The following SULT2A1 variants were observed in gnomAD, a reference collection of about 807,000 sequenced individuals.
The protein encoded by SULT2A1 is sulfotransferase 2A1.
A neutral mutation model predicts 33.9 loss-of-function variants in SULT2A1; 43 were observed. The observed-to-expected ratio is 1.27, with a 90% CI of 1.00 to 1.64. The LOEUF is 1.64. Ranked by LOEUF, SULT2A1 falls within the 40% of genes most tolerant of loss-of-function variation. The pLI is 0.00. For synonymous variants in SULT2A1, 125 were observed against 113.6 expected (o/e 1.10, Z -0.64); for missense variants, 300 against 335.1 (o/e 0.90, Z 0.82).
In SULT2A1 at chr19:47,870,801, C is replaced by T. The variant is rs1968482182; in HGVS notation, c.*654G>A. The stretch of plus-strand genomic sequence containing the variant: ...TGGGATCCCATGACTCAACTCACTG[C>T]AACCTTTGCATCCCTGGGCTTTGAA... On this transcript the variant is annotated 3_prime_UTR_variant, in exon 6 of 6. Coordinates refer to ENST00000222002, the MANE Select transcript of SULT2A1 (RefSeq NM_003167.4). 6.8e-6 allele frequency: 1 copy of T among 147,556 alleles called. No homozygotes were observed. Among genetic ancestry groups the T allele is most frequent in the Non-Finnish European group, 1.5e-5 (1 of 65,522 alleles). 9.1% of individuals were successfully genotyped at this position (147,556 alleles called of 1,614,324 possible).
intron 5 of SULT2A1, 120 bp from the exon 6 acceptor site, chr19:47,871,687 C>T (rs1180741092): frequency 8.7e-6 from 6 of 686,806 alleles, no homozygotes; most frequent in African/African-American, 1.8e-5. Context: ...CGTGGTGGGC[C>T]TTTATCCTGC....
chr19:47,874,266 C>T (rs1396525918), intron 5 of SULT2A1, among the ~76,000 whole-genome samples: 6 of 151,990 alleles, frequency 3.9e-5, no homozygotes, highest in South Asian at 2.1e-4. Flanking sequence ...ATTGGCCGGG[C>T]GCCGTGGCTC....
At chr19:47,878,437 C>T (rs894694745) in intron 4 of SULT2A1, among the ~76,000 whole-genome samples, 3 of 151,928 alleles carry the variant, frequency 2.0e-5, no homozygotes, top group Admixed American at 6.6e-5. Flanking sequence ...ATTCTCCCAC[C>T]TCGGCCTTCC....
chr19:47,883,054 G>T (rs1968617879), intron 2 of SULT2A1, among the ~76,000 whole-genome samples: 1 of 152,098 alleles, frequency 6.6e-6, no homozygotes, highest in African/African-American at 2.4e-5. Flanking sequence ...CATGGGAGAT[G>T]CATGTGGCTG....
chr19:47,881,324 C>G (rs1272833765), intron 3 of SULT2A1, among the ~76,000 whole-genome samples: 3 of 152,110 alleles, frequency 2.0e-5, no homozygotes, highest in Non-Finnish European at 2.9e-5. Context: ...GTGTGAGCCA[C>G]CATGGCCGGC....
intron 2 of SULT2A1, among the ~76,000 whole-genome samples, chr19:47,883,073 A>G (rs1488285766): frequency 2.0e-5 from 3 of 152,054 alleles, no homozygotes; most frequent in African/African-American, 7.2e-5. Context: ...TGCTGATATC[A>G]ACACATATTT....
intron 5 of SULT2A1, among the ~76,000 whole-genome samples, chr19:47,873,614 CTTTTTTTTTT>C (rs61271763): frequency 3.2e-5 from 2 of 62,060 alleles, no homozygotes; most frequent in African/African-American, 7.8e-5. Flanking sequence ...GGACAGATCT[CTTTTTTTTTT>C]TTTTTTTTTT....
At chr19:47,879,632 A>G (rs1310277047) in intron 3 of SULT2A1, among the ~76,000 whole-genome samples, 2 of 152,040 alleles carry the variant, frequency 1.3e-5, no homozygotes, top group Admixed American at 6.6e-5. Flanking sequence ...CTTTGTAGGG[A>G]CATGGATGAA....
At position 47,871,467 on chromosome 19, in the gene SULT2A1, G is replaced by A; in HGVS notation, c.846C>T (p.Phe282=). 6.2e-7 allele frequency: 1 copy of A among 1,613,516 alleles called. No individual in the cohort carries two copies. The highest frequency in any genetic ancestry group is 8.5e-7 in the Non-Finnish European group (1 of 1,179,520). ...AGTGTTTTGGACGTTATTCCCATGG[G>A]AACAGCTCTCGAGGAAGATCTGCCA... ...EKMADLPREL[F]PWE is the part of the protein sequence containing the mutation. Residue 282 remains phenylalanine, a synonymous_variant, in exon 6 of 6, where the codon TTC becomes TTT. Coordinates refer to ENST00000222002, the MANE Select transcript of SULT2A1 (RefSeq NM_003167.4).
intron 4 of SULT2A1, among the ~76,000 whole-genome samples, chr19:47,876,684 C>T (rs1277783126): frequency 2.0e-5 from 3 of 147,298 alleles, no homozygotes; most frequent in African/African-American, 7.5e-5. Flanking sequence ...GCACGAGAAT[C>T]ACTTGAACCG....
chr19:47,879,212 G>A (rs1026391646), intron 3 of SULT2A1, 82 bp from the exon 4 acceptor site: 9 of 837,898 alleles, frequency 1.1e-5, no homozygotes, highest in Middle Eastern at 2.2e-4. Context: ...TCCCCCCACC[G>A]GCTTGTTAAC....
Position 47,881,933 on chromosome 19 carries a change from C to T in SULT2A1, c.472+151G>A, listed in dbSNP as rs550905592. On this transcript the variant is annotated intron_variant, in intron 3 of 5. Transcript: ENST00000222002. ...GGCCGGCTAGAGTTCTGCTGCTATG[C>T]GGGAGAGTAAGCGAACTTAGCAGGT... is the stretch of plus-strand genomic sequence containing the variant. The T allele has an allele frequency of 3.0e-5, 28 of 923,588 alleles. No individual in the cohort carries two copies. In the East Asian group the frequency reaches 5.0e-4, roughly 16 times the overall value. The allele number at this position is 923,588 out of a possible 1,614,324, so 57.2% of individuals were successfully genotyped here.
chr19:47,883,180 A>G (rs949473627), intron 2 of SULT2A1, among the ~76,000 whole-genome samples: 1 of 152,078 alleles, frequency 6.6e-6, no homozygotes, highest in Non-Finnish European at 1.5e-5. Context: ...TGCTTCCCAT[A>G]GGAACACCTC....
At chr19:47,878,981 A>C in intron 4 of SULT2A1, 55 bp downstream of exon 4, 1 of 1,124,570 alleles carries the variant, frequency 8.9e-7, no homozygotes, top group Non-Finnish European at 1.4e-6. Context: ...GAATTTAAGG[A>C]AAGTAAGGAT....
At position 47,876,768 on chromosome 19, in the gene SULT2A1, T is replaced by TA. The variant is rs34642376; in HGVS notation, c.568-1935dup. On this transcript the variant is annotated intron_variant, in intron 4 of 5. Coordinates refer to ENST00000222002, the MANE Select transcript of SULT2A1 (RefSeq NM_003167.4). ...CTGGGTGACAGAGCAAGACTCTGTC[T>TA]AAAAAAAAAAAAAAAAAAAAAGATG... Among the ~76,000 whole-genome samples the TA allele has an allele frequency of 4.2e-3, 362 of 85,550 alleles. 4 individuals carry two copies. The highest frequency in any genetic ancestry group is 7.0e-3 in the African/African-American group (148 of 21,244). The allele number at this position is 85,550 out of a possible 152,430, so 56.1% of individuals were successfully genotyped here. A position where few individuals can be genotyped will look rare whatever the true frequency, so the allele number is the denominator to read the frequency against.
At chr19:47,882,902 T>G (rs1287156736) in intron 2 of SULT2A1, among the ~76,000 whole-genome samples, 1 of 152,022 alleles carries the variant, frequency 6.6e-6, no homozygotes, top group Non-Finnish European at 1.5e-5. Context: ...GGTGACAGAA[T>G]GAGACTGTGT....
intron 1 of SULT2A1, among the ~76,000 whole-genome samples, chr19:47,884,804 CT>C (rs71181611): frequency 0.046 from 2,962 of 63,790 alleles, 15 homozygotes; most frequent in Non-Finnish European, 0.063. Context: ...CTCTCAACCA[CT>C]TTTTTTTTTT....
intron 5 of SULT2A1, among the ~76,000 whole-genome samples, chr19:47,873,654 TGCTCTGTC>T (rs1968514890): frequency 8.6e-6 from 1 of 116,674 alleles, no homozygotes; most frequent in Admixed American, 1.2e-4. Context: ...GACGGAGTCT[TGCTCTGTC>T]GCCCAGGCTG....
At position 47,882,099 on chromosome 19, in the gene SULT2A1, A is replaced by G. The variant is rs1323415556; in HGVS notation, c.457T>C (p.Phe153Leu). 2 of 1,613,548 alleles carry G rather than the reference A, an allele frequency of 1.2e-6. No individual in the cohort carries two copies. Among genetic ancestry groups the G allele is most frequent in the Non-Finnish European group, 1.7e-6 (2 of 1,179,906 alleles). The change falls in exon 3 of 6, where the codon TTT becomes CTT. Residue 153 changes from phenylalanine to leucine, a missense_variant. Physicochemically the swap from Phe to Leu is conservative, Grantham distance 22. Coordinates refer to ENST00000222002, the MANE Select transcript of SULT2A1 (RefSeq NM_003167.4). ...AAACACTCACCAGTTCCTTGACAAAACCATTCAAAATATTCTTCCCATGAC... is the reference window on the plus strand; with the variant it reads ...AAACACTCACCAGTTCCTTGACAAAGCCATTCAAAATATTCTTCCCATGAC... ...PKSWEEYFEW[F>L]CQGTVLYGSW...
Sources: gnomAD v4.1 joint callset for allele counts (sites outside exome capture counted in the v4.1 genomes callset) on GRCh38, gnomAD v4.1.1 for gene constraint, MANE v1.5 for transcripts, NCBI Gene and HGNC (gene_info 2026-07-23, HGNC 2026-07-21) for gene names.